RTN4: variants seen among roughly 807,000 people sequenced by gnomAD.
The protein encoded by RTN4 is reticulon-4.
Under a neutral mutation model 90.4 loss-of-function variants are expected in RTN4, and 32 were observed. That is an observed-to-expected ratio of 0.35 (90% CI 0.27 to 0.48). The LOEUF (loss-of-function observed/expected upper bound fraction) is 0.48. RTN4 is among the 20% of genes least tolerant of loss of function. RTN4 has a pLI of 0.99. For missense variants in RTN4, 1,706 were observed against 1,430.2 expected, an observed-to-expected ratio of 1.19 and a Z score of -3.11; for synonymous variants, 629 against 552.5, an observed-to-expected ratio of 1.14 and a Z score of -1.94.
chr2:55,028,176 G>GT lies in RTN4; in HGVS notation c.600dup (p.Arg201ThrfsTer15). ...AGAAAGAACTTGCCTGCAGAGGAGC[G>GT]TATCACAGGCTCAGATGCAGCAGGA... On this transcript the variant is annotated frameshift_variant, in exon 2 of 9. Transcript: ENST00000337526. LOFTEE classifies it high-confidence loss of function. The GT allele has an allele frequency of 6.2e-7, 1 of 1,612,672 alleles. No homozygotes were observed. The highest frequency in any genetic ancestry group is 8.5e-7 in the Non-Finnish European group (1 of 1,179,272).
At chr2:54,988,709 T>G (rs1678774368) in intron 3 of RTN4, among the ~76,000 whole-genome samples, 1 of 152,174 alleles carries the variant, frequency 6.6e-6, no homozygotes, top group South Asian at 2.1e-4. Context: ...CATAAAAATT[T>G]AGGGGTCAAA....
At chr2:55,027,507 A>T (rs373897672) in intron 2 of RTN4, 22 bp from the exon 3 acceptor site, 13 of 1,567,912 alleles carry the variant, frequency 8.3e-6, no homozygotes, top group Non-Finnish European at 1.1e-5. Context: ...GACAGAAAGG[A>T]AAGTTAGAGA....
rs935622239 is a variant in RTN4, at chr2:54,972,418, T to TTGA, written c.*735_*737dup. ...ACTACAGTCAGTCTGTGCAATGAAA[T>TTGA]TGATGTTGGAGTTCTATGTGTGTGG... is the stretch of plus-strand genomic sequence containing the variant. On this transcript the variant is annotated 3_prime_UTR_variant, in exon 9 of 9. Transcript: ENST00000337526. 4.6e-5 allele frequency: 6 copies of TTGA among 129,300 alleles called. No homozygotes were observed. The highest frequency in any genetic ancestry group is 1.0e-4 in the African/African-American group (4 of 39,902). The allele number at this position is 129,300 out of a possible 1,614,324, so 8.0% of individuals were successfully genotyped here. A position where few individuals can be genotyped will look rare whatever the true frequency, so the allele number is the denominator to read the frequency against.
intron 3 of RTN4, among the ~76,000 whole-genome samples, chr2:55,020,082 G>A (rs1416481096): frequency 6.6e-6 from 1 of 152,088 alleles, no homozygotes; most frequent in African/African-American, 2.4e-5. Context: ...GACATTCCAT[G>A]TTCATGAATC....
chr2:55,028,787 CA>C (rs34218690), intron 1 of RTN4, among the ~76,000 whole-genome samples: 91,037 of 147,680 alleles, frequency 0.62, 27,479 homozygotes, highest in South Asian at 0.74. Context: ...GTCCAAAATA[CA>C]AAAAAAAAAA....
chr2:54,981,088 T>C (rs1260996777), intron 5 of RTN4, among the ~76,000 whole-genome samples: 1 of 152,174 alleles, frequency 6.6e-6, no homozygotes, highest in Non-Finnish European at 1.5e-5. Context: ...GCAACCACTC[T>C]ATACGAAAGA....
chr2:55,077,026 T>C (rs77949601), intron 2 of RTN4, among the ~76,000 whole-genome samples: 1 of 138,618 alleles, frequency 7.2e-6, no homozygotes, highest in African/African-American at 3.1e-5. Context: ...TTTTTTTTTT[T>C]TTGAGACGGA....
the RTN4 span, among the ~76,000 whole-genome samples, chr2:55,122,244 G>A: frequency 6.6e-6 from 1 of 152,184 alleles, no homozygotes; most frequent in Admixed American, 6.5e-5. Flanking sequence ...CTCCCAAAGT[G>A]CTGGGATTAT....
intron 4 of RTN4, among the ~76,000 whole-genome samples, chr2:54,983,178 G>A (rs954647196): frequency 1.3e-5 from 2 of 150,858 alleles, no homozygotes; most frequent in Admixed American, 1.3e-4. Flanking sequence ...AGGGGAAATT[G>A]TTCAATATGT....
intron 1 of RTN4, among the ~76,000 whole-genome samples, chr2:55,088,922 GTTATTTAT>G (rs139755357): frequency 6.6e-6 from 1 of 151,890 alleles, no homozygotes. Context: ...CAAGAATAGG[GTTATTTAT>G]TTATTTATTT....
chr2:55,063,347 G>C (rs1668334088), intron 2 of RTN4, among the ~76,000 whole-genome samples: 1 of 152,160 alleles, frequency 6.6e-6, no homozygotes, highest in African/African-American at 2.4e-5. Flanking sequence ...TGAGGTGGTA[G>C]GGAGTTTCCT....
intron 2 of RTN4, among the ~76,000 whole-genome samples, chr2:55,027,754 C>T (rs1284696898): frequency 6.6e-6 from 1 of 152,076 alleles, no homozygotes; most frequent in African/African-American, 2.4e-5. Context: ...ATGTTATCAA[C>T]TAAGATACTA....
chr2:54,987,463 T>C, intron 4 of RTN4, 28 bp downstream of exon 4: 1 of 1,473,222 alleles, frequency 6.8e-7, no homozygotes, highest in Non-Finnish European at 9.5e-7. Context: ...CTATTGCCAA[T>C]GCATGCCTTG....
intron 4 of RTN4, among the ~76,000 whole-genome samples, chr2:54,983,410 T>C (rs1323855417): frequency 1.3e-5 from 2 of 152,156 alleles, no homozygotes; most frequent in Non-Finnish European, 2.9e-5. Context: ...ACAGTTTCAT[T>C]ACTGTTTCAA....
At chr2:54,983,030 G>A (rs1032742512) in intron 4 of RTN4, among the ~76,000 whole-genome samples, 5 of 151,278 alleles carry the variant, frequency 3.3e-5, no homozygotes, top group Non-Finnish European at 2.9e-5. Context: ...TGAGCACAAG[G>A]ATGCACTCAG....
rs1208931481 is a variant in RTN4, at chr2:54,973,543, T to C, written c.3536+20A>G. ...GCACACCTTATCCTAGTAAAAACAC[T>C]GCAGATTTTAAATACTTACTTAGCC... is the stretch of plus-strand genomic sequence containing the variant. On this transcript the variant is annotated intron_variant, in intron 8 of 8. Coordinates refer to ENST00000337526, the MANE Select transcript of RTN4 (RefSeq NM_020532.5). 1 of 1,570,068 alleles carries C rather than the reference T, an allele frequency of 6.4e-7. No homozygotes were observed. The highest frequency in any genetic ancestry group is 1.4e-5 in the African/African-American group (1 of 74,008).
At chr2:55,055,506 G>A (rs967779650), upstream of RTN4, among the ~76,000 whole-genome samples, 4 of 152,266 alleles carry the variant, frequency 2.6e-5, no homozygotes, top group South Asian at 2.1e-4. Flanking sequence ...GGTGGCTCAC[G>A]CCTGTAATCC....
upstream of RTN4, among the ~76,000 whole-genome samples, chr2:55,116,221 G>A (rs1252500334): frequency 2.7e-5 from 4 of 150,614 alleles, no homozygotes; most frequent in South Asian, 2.1e-4. Context: ...AGTCACTGCC[G>A]GGGCCTCATT....
intron 1 of RTN4, among the ~76,000 whole-genome samples, chr2:55,045,875 C>A (rs1276497100): frequency 6.6e-6 from 1 of 152,168 alleles, no homozygotes; most frequent in Non-Finnish European, 1.5e-5. Context: ...TTGCACTGCT[C>A]TCAAATCGAT....
Sources: allele counts gnomAD v4.1 joint callset (sites outside exome capture counted in the v4.1 genomes callset), GRCh38; gene constraint gnomAD v4.1.1; transcripts MANE v1.5; gene names NCBI Gene and HGNC (gene_info 2026-07-23, HGNC 2026-07-21).